Variants in CD163L1 observed in about 807,000 individuals in gnomAD.
CD163L1 encodes CD163 molecule like 1, also known as scavenger receptor cysteine-rich type 1 protein M160.
A neutral mutation model predicts 165.4 loss-of-function variants in CD163L1; 124 were observed. The observed-to-expected ratio is 0.75, with a 90% confidence interval of 0.65 to 0.87. CD163L1 has a LOEUF of 0.87. Among genes scored for constraint, CD163L1 ranks in the 40% least tolerant of loss-of-function variants. The pLI is 0.00. For synonymous variants in CD163L1, 585 were observed against 662.2 expected (o/e 0.88, Z 1.79); for missense variants, 1,525 against 1,799.9 (o/e 0.85, Z 2.76).
At chr12:7,419,987 T>C (rs1948318052) in intron 4 of CD163L1, among the ~76,000 whole-genome samples, 1 of 152,010 alleles carries the variant, frequency 6.6e-6, no homozygotes, top group Non-Finnish European at 1.5e-5. Context: ...CAAGACAGCA[T>C]GGTACTAGTA....
chr12:7,384,664 A>T (rs984973488), intron 8 of CD163L1, among the ~76,000 whole-genome samples: 1 of 152,164 alleles, frequency 6.6e-6, no homozygotes, highest in Non-Finnish European at 1.5e-5. Flanking sequence ...TAAAAGAAAA[A>T]AATGCCAGCC....
At chr12:7,355,228 C>T (rs1249292836) in intron 19 of CD163L1, 98 bp from the exon 20 acceptor site, 2 of 152,064 alleles carry the variant, frequency 1.3e-5, no homozygotes, top group South Asian at 4.1e-4. Flanking sequence ...TGTGTGCACA[C>T]ACAAACACAC....
rs918656580 is a variant in CD163L1 at position 7,347,710 on chromosome 12, A to G, written c.*25-563T>C. 6.6e-6 allele frequency among the ~76,000 whole-genome samples: 1 copy of G among 151,946 alleles called. No individual in the cohort carries two copies. The highest frequency in any genetic ancestry group is 1.5e-5 in the Non-Finnish European group (1 of 67,976). ...CGTGAACCTGGGAGGCGGAGCTTGC[A>G]GTGAACCAAGTTCACGCGCCACTGC... is the stretch of plus-strand genomic sequence containing the variant. On this transcript the variant is annotated intron_variant, in intron 4 of 4. Coordinates refer to the CD163L1 transcript ENST00000539726. This position sits in a 1 kb window ranked among gnomAD's most constrained non-coding sequence, Gnocchi z 4.2.
the CD163L1 span, among the ~76,000 whole-genome samples, chr12:7,329,339 T>G: frequency 6.7e-6 from 1 of 149,848 alleles, no homozygotes; most frequent in African/African-American, 2.4e-5. Context: ...ATATTTAATT[T>G]TTTTTTCTTT....
chr12:7,402,183 A>G (rs184481742), intron 6 of CD163L1, among the ~76,000 whole-genome samples: 14 of 152,200 alleles, frequency 9.2e-5, no homozygotes, highest in Admixed American at 6.5e-4. Context: ...AAACACCAAG[A>G]ATAGAGATCA....
In CD163L1 at chr12:7,368,966, C is replaced by CT; in HGVS notation, c.4040-2dup. On this transcript the variant is annotated splice_acceptor_variant, in intron 15 of 19. Coordinates refer to ENST00000313599, the MANE Select transcript of CD163L1 (RefSeq NM_174941.6). LOFTEE classifies it high-confidence loss of function. This position sits in a 1 kb window ranked among gnomAD's most constrained non-coding sequence, Gnocchi z 4.3. ...GCATTCAGTGATTTCAGCGACTGTC[C>CT]TGAGAGAGAGAGAGAGAGAGAGAGA... is the stretch of plus-strand genomic sequence containing the variant. 6.2e-7 allele frequency: 1 copy of CT among 1,608,666 alleles called. No homozygotes were observed. Among genetic ancestry groups the CT allele is most frequent in the Non-Finnish European group, 8.5e-7 (1 of 1,178,060 alleles).
chr12:7,324,485 C>T, the CD163L1 span: 2 of 1,613,940 alleles, frequency 1.2e-6, no homozygotes, highest in Admixed American at 3.3e-5. Context: ...TCAAAAACTT[C>T]TTTTCCTCTT....
At chr12:7,412,763 T>G (rs963797738) in intron 4 of CD163L1, among the ~76,000 whole-genome samples, 2 of 151,426 alleles carry the variant, frequency 1.3e-5, no homozygotes, top group African/African-American at 2.4e-5. Flanking sequence ...CATTTATGAG[T>G]GAAAATATTT....
intron 4 of CD163L1, among the ~76,000 whole-genome samples, chr12:7,421,486 T>TATATACATATATACATATAC (rs1565810131): frequency 9.5e-6 from 1 of 105,036 alleles, no homozygotes; most frequent in Admixed American, 9.6e-5. Flanking sequence ...TATATGTACA[T>TATATACATATATACATATAC]ATATACATAT....
At chr12:7,324,516 T>C in the CD163L1 span, 1 of 1,613,916 alleles carries the variant, frequency 6.2e-7, no homozygotes, top group Non-Finnish European at 8.5e-7. Context: ...ATTGGGCCAT[T>C]TGAAGTGGAG....
intron 4 of CD163L1, among the ~76,000 whole-genome samples, chr12:7,421,279 A>C (rs867101352): frequency 8.6e-6 from 1 of 115,938 alleles, no homozygotes; most frequent in Admixed American, 8.8e-5. Flanking sequence ...AAATGTGTGT[A>C]TATATATATG....
Position 7,379,241 on chromosome 12 carries a change from A to G in CD163L1, c.2108T>C (p.Val703Ala), listed in dbSNP as rs1289375793. 1.9e-6 allele frequency: 3 copies of G among 1,613,990 alleles called. No homozygotes were observed. The highest frequency in any genetic ancestry group is 2.5e-6 in the Non-Finnish European group (3 of 1,180,002). Reference sequence around the variant, plus strand: ...CACGGCACCCTGGACATTCACCTCAACTTTTCCAGCACACCTGCTGCTTCC... The same window carrying G: ...CACGGCACCCTGGACATTCACCTCAGCTTTTCCAGCACACCTGCTGCTTCC... ...VGGSSRCAGK[V>A]EVNVQGAVGI... The change falls in exon 9 of 20, where the codon GTT (valine) becomes GCT (alanine). Residue 703 changes from valine to alanine, a missense_variant. Physicochemically the swap from Val to Ala is moderately conservative, Grantham distance 64 (BLOSUM62 0). Transcript: ENST00000313599.
chr12:7,409,640 T>C (rs1481583361), intron 4 of CD163L1, among the ~76,000 whole-genome samples: 1 of 152,148 alleles, frequency 6.6e-6, no homozygotes, highest in Non-Finnish European at 1.5e-5. Flanking sequence ...ATTCCTAACA[T>C]ACCGTGACCG....
At chr12:7,358,970 A>C (rs1414338620) in intron 18 of CD163L1, among the ~76,000 whole-genome samples, 3 of 152,164 alleles carry the variant, frequency 2.0e-5, no homozygotes, top group Non-Finnish European at 4.4e-5. Flanking sequence ...TTAAGGGCTC[A>C]TCAATGGACT....
At chr12:7,434,356 T>C (rs772878978) in intron 2 of CD163L1, among the ~76,000 whole-genome samples, 19 of 152,184 alleles carry the variant, frequency 1.2e-4, no homozygotes, top group Non-Finnish European at 2.6e-4. Context: ...TGGCTACTCA[T>C]ATTCCCATCT....
At chr12:7,416,055 A>T (rs1948231760) in intron 4 of CD163L1, among the ~76,000 whole-genome samples, 1 of 152,168 alleles carries the variant, frequency 6.6e-6, no homozygotes, top group Non-Finnish European at 1.5e-5. Flanking sequence ...GTGTAAAAGC[A>T]TTCCTATTTC....
chr12:7,399,385 TTCTTTTTC>T (rs1329825364), intron 6 of CD163L1, among the ~76,000 whole-genome samples: 2 of 149,954 alleles, frequency 1.3e-5, no homozygotes, highest in Non-Finnish European at 3.0e-5. Context: ...TCTGACTTCT[TTCTTTTTC>T]TTTCTTTCTT....
At chr12:7,436,783 C>A (rs1042995523) in intron 2 of CD163L1, among the ~76,000 whole-genome samples, 3 of 151,730 alleles carry the variant, frequency 2.0e-5, no homozygotes, top group Non-Finnish European at 4.4e-5. Flanking sequence ...AATGAAAAAC[C>A]TTAAAAATGA....
chr12:7,388,479 A>G (rs1450816225), intron 8 of CD163L1, among the ~76,000 whole-genome samples: 7 of 152,182 alleles, frequency 4.6e-5, no homozygotes, highest in Non-Finnish European at 4.4e-5. Context: ...ATGGTGGCTC[A>G]AGCCTATAAT....
Sources: gnomAD v4.1 joint callset for allele counts (sites outside exome capture counted in the v4.1 genomes callset) on GRCh38, gnomAD v4.1.1 for gene constraint, Gnocchi (gnomAD v3.1) non-coding constraint, MANE v1.5 for transcripts, NCBI Gene and HGNC (gene_info 2026-07-23, HGNC 2026-07-21) for gene names.